MTMR4: variants seen among roughly 807,000 people sequenced by gnomAD.
MTMR4 encodes the protein phosphatidylinositol-3,5-bisphosphate 3-phosphatase MTMR4.
Under a neutral mutation model 125.5 loss-of-function variants are expected in MTMR4, and 30 were observed. The ratio of observed to expected loss-of-function variants is 0.24; its 90% CI spans 0.18 to 0.32. MTMR4 has a LOEUF of 0.32. Among genes scored for constraint, MTMR4 ranks in the 10% least tolerant of loss-of-function variants. The pLI, the probability that MTMR4 is intolerant of heterozygous loss-of-function variation, is 1.00. For synonymous variants in MTMR4, 498 were observed against 564.5 expected, an observed-to-expected ratio of 0.88 and a Z score of 1.67; for missense variants, 1,039 against 1,511.5, an observed-to-expected ratio of 0.69 and a Z score of 5.18.
In MTMR4 at chr17:58,511,531, T is replaced by G. The variant is rs1185604694; in HGVS notation, c.253-20A>C. On this transcript the variant is annotated intron_variant, in intron 3 of 17. Transcript: ENST00000682306. ...GGGGACCTGTAGAGGAAGGGCAAAC[T>G]GAAGCTCAGACTCCCCACTGGGTAC... 6.2e-7 allele frequency: 1 copy of G among 1,605,808 alleles called. No homozygotes were observed. The highest frequency in any genetic ancestry group is 1.3e-5 in the African/African-American group (1 of 74,858).
In MTMR4 at chr17:58,502,518, A is replaced by AT. The variant is rs910495523; in HGVS notation, c.1853+1225dup. The stretch of plus-strand genomic sequence containing the variant: ...AGGATGTAAAGCACTCCCTGTAATG[A>AT]TAAAAAAAAAAAAAATGGAAATTAC... On this transcript the variant is annotated intron_variant, in intron 14 of 17. Coordinates refer to ENST00000682306, the MANE Select transcript of MTMR4 (RefSeq NM_001378067.1). Among the ~76,000 whole-genome samples, 16 of 46,972 alleles carry AT rather than the reference A, an allele frequency of 3.4e-4. 1 individual carries two copies. In the South Asian group the frequency reaches 8.2e-3, roughly 24 times the overall value. 30.8% of individuals were successfully genotyped at this position (46,972 alleles called of 152,430 possible). A position where few individuals can be genotyped will look rare whatever the true frequency, so the allele number is the denominator to read the frequency against.
chr17:58,505,301 T>C (rs1156590708), intron 10 of MTMR4, among the ~76,000 whole-genome samples, 171 bp downstream of exon 10: 1 of 152,158 alleles, frequency 6.6e-6, no homozygotes, highest in Non-Finnish European at 1.5e-5. Context: ...CACGCCAAAG[T>C]GTTGGCTGAG....
intron 9 of MTMR4, among the ~76,000 whole-genome samples, chr17:58,506,090 C>T (rs536419199): frequency 1.9e-3 from 288 of 152,292 alleles, no homozygotes; most frequent in Non-Finnish European, 3.3e-3. Flanking sequence ...ATAATAGTAA[C>T]AGTAATGACA....
chr17:58,512,819 C>T lies in MTMR4; in HGVS notation c.135+33G>A. On this transcript the variant is annotated intron_variant, in intron 2 of 17. Coordinates refer to ENST00000682306, the MANE Select transcript of MTMR4 (RefSeq NM_001378067.1). The surrounding 1 kb of genome is among the most constrained non-coding windows in gnomAD (Gnocchi z 4.1). ...GGGTGTTTTTTAACTGGGCAGGGAGCCCCATCTATCCTGGCCCCCAACTCC... is the reference window on the plus strand; with the variant it reads ...GGGTGTTTTTTAACTGGGCAGGGAGTCCCATCTATCCTGGCCCCCAACTCC... The T allele has an allele frequency of 6.4e-7, 1 of 1,568,394 alleles. No homozygotes were observed. The highest frequency in any genetic ancestry group is 8.8e-7 in the Non-Finnish European group (1 of 1,140,116).
In MTMR4 at chr17:58,495,397, A is replaced by G; in HGVS notation, c.2787T>C (p.Thr929=). 1 of 1,614,234 alleles carries G rather than the reference A, an allele frequency of 6.2e-7. No individual in the cohort carries two copies. Among genetic ancestry groups the G allele is most frequent in the Admixed American group, 1.7e-5 (1 of 60,024 alleles). The part of the protein sequence containing the change: ...SNWDSFQGMV[T]SFPSGEATPR... ...GGGTGGCCTCCCCACTTGGGAATGA[A>G]GTCACCATCCCTTGGAAGCTGTCCC... The change falls in exon 15 of 18, where the codon ACT becomes ACC. Residue 929 remains threonine (T), a synonymous_variant. Transcript: ENST00000682306.
In MTMR4 at chr17:58,508,607, A is replaced by G; in HGVS notation, c.497-43T>C. Reference sequence around the variant, plus strand: ...CGATGGTTAGCTTCCCAGAGCACCAATGTGCAGGAGTGGAGGAGGGATGAG... The same window carrying G: ...CGATGGTTAGCTTCCCAGAGCACCAGTGTGCAGGAGTGGAGGAGGGATGAG... On this transcript the variant is annotated intron_variant, in intron 5 of 17. Transcript: ENST00000682306. The surrounding 1 kb of genome is among the most constrained non-coding windows in gnomAD (Gnocchi z 4.8). The G allele has an allele frequency of 5.0e-6, 8 of 1,614,110 alleles. No homozygotes were observed. The highest frequency in any genetic ancestry group is 6.8e-6 in the Non-Finnish European group (8 of 1,179,954).
Position 58,495,257 on chromosome 17 carries a change from G to C in MTMR4, c.2927C>G (p.Pro976Arg), listed in dbSNP as rs775926437. ...TCCATTGGAATGACTAGAACAGACAGGTGACTTCACACCTTCTCTCTGAGC... is the reference window on the plus strand; with the variant it reads ...TCCATTGGAATGACTAGAACAGACACGTGACTTCACACCTTCTCTCTGAGC... Reference protein sequence around the residue: ...QWAQREGVKSPVCSSHSNGHC... With the variant: ...QWAQREGVKSRVCSSHSNGHC... Residue 976 changes from proline (P) to arginine (R), a missense_variant, in exon 15 of 18, where the codon CCT (proline) becomes CGT (arginine). Physicochemically the swap from Pro to Arg is moderately radical, Grantham distance 103. Around this residue, in one of 6 missense-constraint regions of MTMR4, gnomAD observed 619 missense variants for 714.5 expected, o/e 0.87. Coordinates refer to ENST00000682306, the MANE Select transcript of MTMR4 (RefSeq NM_001378067.1). 2 of 1,614,202 alleles carry C rather than the reference G, an allele frequency of 1.2e-6. No homozygotes were observed. Among genetic ancestry groups the C allele is most frequent in the South Asian group, 2.2e-5 (2 of 91,086 alleles).
At chr17:58,517,887 G>C (rs559747500), upstream of MTMR4, 480 of 154,360 alleles carry the variant, frequency 3.1e-3, 3 homozygotes, top group Middle Eastern at 3.3e-3. Flanking sequence ...TGCTGAGGCC[G>C]CGCAGTCCCG....
chr17:58,506,106 T>C (rs1975773782), intron 9 of MTMR4, among the ~76,000 whole-genome samples: 1 of 152,220 alleles, frequency 6.6e-6, no homozygotes, highest in Non-Finnish European at 1.5e-5. Context: ...TGACAAATGA[T>C]AGCAGTACTT....
intron 7 of MTMR4, chr17:58,507,918 T>TACACACAC (rs57157273): frequency 1.5e-5 from 5 of 342,370 alleles, no homozygotes; most frequent in African/African-American, 2.2e-5. Context: ...TACTATTTTA[T>TACACACAC]ACACACACAC....
In MTMR4 at chr17:58,495,873, C is replaced by G; in HGVS notation, c.2311G>C (p.Glu771Gln). The G allele has an allele frequency of 6.2e-7, 1 of 1,614,168 alleles. No individual in the cohort carries two copies. Among genetic ancestry groups the G allele is most frequent in the Non-Finnish European group, 8.5e-7 (1 of 1,180,036 alleles). Residue 771 changes from glutamate (E) to glutamine (Q), a missense_variant, in exon 15 of 18, where the codon GAA becomes CAA. Physicochemically the swap from Glu to Gln is conservative, Grantham distance 29. Around this residue, in one of 6 missense-constraint regions of MTMR4, gnomAD observed 619 missense variants for 714.5 expected, o/e 0.87. Coordinates refer to ENST00000682306, the MANE Select transcript of MTMR4 (RefSeq NM_001378067.1). ...GAGAGTGCACTGACAGCTTCTGTTT[C>G]AGGACAATGTTCAGGTGGCTCCCCT... ...GIGEPPEHCP[E>Q]TEAVSALSKV...
chr17:58,514,226 A>T (rs1369309692), intron 1 of MTMR4, 137 bp downstream of exon 1: 6 of 778,592 alleles, frequency 7.7e-6, no homozygotes, highest in Non-Finnish European at 9.4e-6. Flanking sequence ...TAAAAGGGTT[A>T]ACCCACCTTC....
chr17:58,502,020 C>T (rs1975648314), intron 14 of MTMR4, among the ~76,000 whole-genome samples: 1 of 151,618 alleles, frequency 6.6e-6, no homozygotes, highest in African/African-American at 2.4e-5. Context: ...GATTGTGCCA[C>T]TGCAGTCCAG....
At chr17:58,511,575 T>A (rs1598227095) in intron 3 of MTMR4, 64 bp from the exon 4 acceptor site, 6 of 1,354,936 alleles carry the variant, frequency 4.4e-6, no homozygotes, top group Non-Finnish European at 6.3e-6. Context: ...ACCCTCACCC[T>A]AGCGTAGGCA....
In MTMR4 at chr17:58,503,874, G is replaced by A. The variant is rs767379820; in HGVS notation, c.1723C>T (p.Arg575Trp). The change falls in exon 14 of 18, where the codon CGG becomes TGG. Residue 575 changes from arginine to tryptophan, a missense_variant. Arg to Trp is a moderately radical substitution (Grantham distance 101). Coordinates refer to ENST00000682306, the MANE Select transcript of MTMR4 (RefSeq NM_001378067.1). ...DMVLHPVCHV[R>W]ALHLWTAVYL... ...ACAGCTGTCCAGAGGTGCAGGGCCC[G>A]GACATGACAAACAGGATGCAGGACC... The A allele has an allele frequency of 2.2e-5, 35 of 1,613,884 alleles. No homozygotes were observed. Among genetic ancestry groups the A allele is most frequent in the South Asian group, 1.3e-4 (12 of 91,068 alleles).
chr17:58,502,722 T>C (rs1975675593), intron 14 of MTMR4, among the ~76,000 whole-genome samples: 1 of 152,220 alleles, frequency 6.6e-6, no homozygotes. Flanking sequence ...TGATTTTGTT[T>C]ATAAAAAATG....
At chr17:58,497,443 G>A (rs540960510) in intron 14 of MTMR4, among the ~76,000 whole-genome samples, 1 of 152,198 alleles carries the variant, frequency 6.6e-6, no homozygotes, top group African/African-American at 2.4e-5. Context: ...TTTGCTGTGT[G>A]ACTTTAACTT....
Position 58,495,322 on chromosome 17 carries a change from C to T in MTMR4, c.2862G>A (p.Lys954=). The T allele has an allele frequency of 1.2e-6, 2 of 1,614,230 alleles. No individual in the cohort carries two copies. The highest frequency in any genetic ancestry group is 1.7e-6 in the Non-Finnish European group (2 of 1,180,050). ...AGCAGGGCCCTGTGGCCCGCATCTG[C>T]TTACTGTTTGGCCTCTTGCTACAAC... ...YGCCSKRPNS[K]QMRATGPCFG... is the part of the protein sequence containing the mutation. Residue 954 remains lysine, a synonymous_variant, in exon 15 of 18, where the codon AAG becomes AAA. Transcript: ENST00000682306.
intron 9 of MTMR4, among the ~76,000 whole-genome samples, chr17:58,506,025 A>G (rs1975771344): frequency 6.6e-6 from 1 of 152,232 alleles, no homozygotes; most frequent in Non-Finnish European, 1.5e-5. Context: ...AACTAAATAC[A>G]GTCTTGAAAT....
Sources: allele counts gnomAD v4.1 joint callset (sites outside exome capture counted in the v4.1 genomes callset), GRCh38; gene constraint gnomAD v4.1.1; regional missense constraint gnomAD v4.1.1; non-coding constraint Gnocchi (gnomAD v3.1); transcripts MANE v1.5; gene names NCBI Gene and HGNC (gene_info 2026-07-23, HGNC 2026-07-21).